Variants in RSKR observed in about 807,000 individuals in gnomAD.
The protein encoded by RSKR is ribosomal protein S6 kinase related.
A neutral mutation model predicts 56.8 loss-of-function variants in RSKR; 44 were observed. That is an observed-to-expected ratio of 0.77 (90% CI 0.61 to 1.00). The LOEUF (loss-of-function observed/expected upper bound fraction) is 1.00. Among genes scored for constraint, RSKR ranks in the 50% least tolerant of loss-of-function variants. The pLI, the probability that RSKR is intolerant of heterozygous loss-of-function variation, is 0.00. For missense variants in RSKR, 510 were observed against 506.9 expected (o/e 1.01, Z -0.06); for synonymous variants, 181 against 188.0 (o/e 0.96, Z 0.30).
In RSKR at chr17:28,614,126, G is replaced by A. The variant is rs778623920; in HGVS notation, c.36C>T (p.Thr12=). The change falls in exon 1 of 12, where the codon ACC becomes ACT. Residue 12 remains threonine (T), a synonymous_variant. Transcript: ENST00000301037. ...CCACCCGGGTGTGTTCCCCCTGCTG[G>A]GTGTGCTGCCCCTGCCGACAGCTTA... ...GAVSCRQGQH[T]QQGEHTRVAV... 12 of 1,613,436 alleles carry A rather than the reference G, an allele frequency of 7.4e-6. No individual in the cohort carries two copies. In the Admixed American group the frequency reaches 2.0e-4, roughly 27 times the overall value.
chr17:28,610,613 TG>T lies in RSKR; in HGVS notation c.1097del (p.Pro366GlnfsTer9). The T allele has an allele frequency of 6.5e-7, 1 of 1,536,000 alleles. No homozygotes were observed. Among genetic ancestry groups the T allele is most frequent in the Non-Finnish European group, 8.7e-7 (1 of 1,146,878 alleles). The part of the protein sequence containing the change: ...HPFFRGVAFD[P>X]ELLQKQPVNF... Reference sequence around the variant, plus strand: ...TCACTGGCTGCTTCTGTAGGAGCTCTGGGTCGAAGGCCACACCCCGAAAGAA... The same window carrying T: ...TCACTGGCTGCTTCTGTAGGAGCTCTGGTCGAAGGCCACACCCCGAAAGAA... On this transcript the variant is annotated frameshift_variant, in exon 12 of 12. Coordinates refer to ENST00000301037, the MANE Select transcript of RSKR (RefSeq NM_001174103.2). LOFTEE classifies it high-confidence loss of function.
rs1402287398 is a variant in RSKR, at chr17:28,613,541, G to C, written c.223C>G (p.Leu75Val). Reference protein sequence around the residue: ...HQESLKPAPVLVEKPLPEWPV... With the variant: ...HQESLKPAPVVVEKPLPEWPV... ...CACTCTGGCAGAGGCTTCTCTACCAGTACTGGGGCTGGCTTTAGGGATTCC... is the reference window on the plus strand; with the variant it reads ...CACTCTGGCAGAGGCTTCTCTACCACTACTGGGGCTGGCTTTAGGGATTCC... The change falls in exon 2 of 12, where the codon CTG becomes GTG. Residue 75 changes from leucine to valine, a missense_variant. Physicochemically the swap from Leu to Val is conservative, Grantham distance 32. Transcript: ENST00000301037. 1.2e-6 allele frequency: 2 copies of C among 1,614,220 alleles called. No individual in the cohort carries two copies. The highest frequency in any genetic ancestry group is 1.1e-5 in the South Asian group (1 of 91,090).
At position 28,611,130 on chromosome 17, in the gene RSKR, T is replaced by G. The variant is rs2070806681; in HGVS notation, c.1011+13A>C. On this transcript the variant is annotated intron_variant, in intron 11 of 11. Coordinates refer to ENST00000301037, the MANE Select transcript of RSKR (RefSeq NM_001174103.2). The stretch of plus-strand genomic sequence containing the variant: ...GTTTCGTAGCCAAGAAGGAAAGCAG[T>G]GCTCATCCTTACCTCATGGAGCAGG... 1 of 1,524,776 alleles carries G rather than the reference T, an allele frequency of 6.6e-7. No homozygotes were observed. Among genetic ancestry groups the G allele is most frequent in the Admixed American group, 2.0e-5 (1 of 50,950 alleles). The allele number at this position is 1,524,776 out of a possible 1,614,324, so 94.5% of individuals were successfully genotyped here.
rs1046342133 is a variant in RSKR, at chr17:28,610,528, C to T, written c.1183G>A (p.Asp395Asn). ...PSSAETMPFD[D>N]FDCDLESFLL... ...AAGGACTCCAGATCACAGTCAAAGT[C>T]GTCAAAGGGCATGGTCTCCGCTGAA... Residue 395 changes from aspartate to asparagine, a missense_variant, in exon 12 of 12, where the codon GAC becomes AAC. Physicochemically the swap from Asp to Asn is conservative, Grantham distance 23. Coordinates refer to ENST00000301037, the MANE Select transcript of RSKR (RefSeq NM_001174103.2). 20 of 1,535,880 alleles carry T rather than the reference C, an allele frequency of 1.3e-5. No individual in the cohort carries two copies. Among genetic ancestry groups the T allele is most frequent in the African/African-American group, 2.7e-5 (2 of 72,986 alleles).
chr17:28,611,039 C>T (rs1270759053), intron 11 of RSKR, 104 bp downstream of exon 11: 1 of 1,025,296 alleles, frequency 9.8e-7, no homozygotes, highest in South Asian at 1.5e-5. Flanking sequence ...AGTTGGAGCC[C>T]CCTCAAAAAA....
chr17:28,612,014 A>G, intron 7 of RSKR, 30 bp downstream of exon 7: 8 of 1,614,146 alleles, frequency 5.0e-6, no homozygotes, highest in Non-Finnish European at 6.8e-6. Flanking sequence ...ACTCTTTCTC[A>G]GACAAAGGGA....
intron 8 of RSKR, 32 bp downstream of exon 8, chr17:28,611,736 C>T (rs372162653): frequency 1.2e-4 from 200 of 1,613,976 alleles, no homozygotes; most frequent in Non-Finnish European, 1.6e-4. Flanking sequence ...AAGTACCTCT[C>T]ATCCTGGGGC....
chr17:28,612,327 G>C lies in RSKR; in HGVS notation c.587C>G (p.Ser196Trp), dbSNP rs76606395. The C allele has an allele frequency of 4.3e-6, 7 of 1,614,158 alleles. No individual in the cohort carries two copies. The East Asian group carries it at 1.6e-4, about 36-fold the overall frequency. ...YCSTDLYSLW[S>W]AVGCFPEASI... is the part of the protein sequence containing the mutation. ...AGCCTCAGGAAAGCAGCCAACAGCC[G>C]ACCAAAGGGAGTACAGATCTGTGCT... The change falls in exon 6 of 12, where the codon TCG becomes TGG. Residue 196 changes from serine to tryptophan, a missense_variant. By Grantham distance (177) the Ser-to-Trp change is radical. Coordinates refer to ENST00000301037, the MANE Select transcript of RSKR (RefSeq NM_001174103.2).
chr17:28,610,577 C>G lies in RSKR; in HGVS notation c.1134G>C (p.Thr378=). 2 of 1,535,918 alleles carry G rather than the reference C, an allele frequency of 1.3e-6. No individual in the cohort carries two copies. Among genetic ancestry groups the G allele is most frequent in the Non-Finnish European group, 1.7e-6 (2 of 1,146,890 alleles). ...LLQKQPVNFV[T]ETQATQPSSA... ...AACTGGGCTGGGTAGCTTGTGTCTCCGTGACAAAGTTCACTGGCTGCTTCT... is the reference window on the plus strand; with the variant it reads ...AACTGGGCTGGGTAGCTTGTGTCTCGGTGACAAAGTTCACTGGCTGCTTCT... The change falls in exon 12 of 12, where the codon ACG becomes ACC. Residue 378 remains threonine (T), a synonymous_variant. Transcript: ENST00000301037.
At chr17:28,612,507 G>A (rs957725945) in intron 5 of RSKR, 111 bp downstream of exon 5, 39 of 1,399,862 alleles carry the variant, frequency 2.8e-5, no homozygotes, top group Non-Finnish European at 3.6e-5. Context: ...GGACAGAGAG[G>A]TGCCATGAGA....
At chr17:28,614,019 C>T in intron 1 of RSKR, 68 bp downstream of exon 1, 1 of 1,577,330 alleles carries the variant, frequency 6.3e-7, no homozygotes, top group Non-Finnish European at 8.7e-7. Context: ...TAACCAGGAA[C>T]TTCCCAGGAC....
chr17:28,614,178 C>G lies in RSKR; in HGVS notation c.-17G>C. Reference sequence around the variant, plus strand: ...TGCTCCCATTCCCAGCCTCTGCCTCCTCTCTCTGCTAAATCTGCTGTCCCA... The same window carrying G: ...TGCTCCCATTCCCAGCCTCTGCCTCGTCTCTCTGCTAAATCTGCTGTCCCA... On this transcript the variant is annotated 5_prime_UTR_variant, in exon 1 of 12. Transcript: ENST00000301037. 1.2e-6 allele frequency: 2 copies of G among 1,612,834 alleles called. No individual in the cohort carries two copies. The highest frequency in any genetic ancestry group is 1.7e-6 in the Non-Finnish European group (2 of 1,179,944).
At position 28,610,581 on chromosome 17, in the gene RSKR, A is replaced by C; in HGVS notation, c.1130T>G (p.Val377Gly). Reference sequence around the variant, plus strand: ...GGGCTGGGTAGCTTGTGTCTCCGTGACAAAGTTCACTGGCTGCTTCTGTAG... The same window carrying C: ...GGGCTGGGTAGCTTGTGTCTCCGTGCCAAAGTTCACTGGCTGCTTCTGTAG... ...ELLQKQPVNF[V>G]TETQATQPSS... is the part of the protein sequence containing the mutation. The change falls in exon 12 of 12, where the codon GTC becomes GGC. Residue 377 changes from valine (V) to glycine (G), a missense_variant. Val to Gly is a moderately radical substitution (Grantham distance 109). Transcript: ENST00000301037. 3 of 1,536,076 alleles carry C rather than the reference A, an allele frequency of 2.0e-6. No homozygotes were observed. Among genetic ancestry groups the C allele is most frequent in the Non-Finnish European group, 2.6e-6 (3 of 1,146,902 alleles).
Position 28,611,616 on chromosome 17 carries a change from C to G in RSKR, c.762G>C (p.Val254=). The G allele has an allele frequency of 6.4e-7, 1 of 1,568,218 alleles. No homozygotes were observed. Among genetic ancestry groups the G allele is most frequent in the Non-Finnish European group, 8.6e-7 (1 of 1,159,430 alleles). ...KLTDFGLSRH[V]PQGAQAYTIC... is the part of the protein sequence containing the mutation. ...TAGTGTAGGCTTGAGCTCCCTGGGG[C>G]ACGTGGCGGGACAGACCAAAGTCTG... Residue 254 remains valine, a synonymous_variant, in exon 9 of 12, where the codon GTG becomes GTC. Transcript: ENST00000301037.
intron 7 of RSKR, 49 bp from the exon 8 acceptor site, chr17:28,611,844 C>G: frequency 1.2e-5 from 19 of 1,613,830 alleles, no homozygotes; most frequent in Non-Finnish European, 1.5e-5. Context: ...TTTCAACTCT[C>G]TTTCATCATG....
chr17:28,611,798 G>A lies in RSKR; in HGVS notation c.694-3C>T. On this transcript the variant is annotated splice_polypyrimidine_tract_variant and splice_region_variant and intron_variant, in intron 7 of 11. Coordinates refer to ENST00000301037, the MANE Select transcript of RSKR (RefSeq NM_001174103.2). Reference sequence around the variant, plus strand: ...TCATCTAGAAGAATATTCTCCATCTGAAAGATCACAGGTGAGAAGTAATTC... The same window carrying A: ...TCATCTAGAAGAATATTCTCCATCTAAAAGATCACAGGTGAGAAGTAATTC... 1 of 1,614,212 alleles carries A rather than the reference G, an allele frequency of 6.2e-7. No individual in the cohort carries two copies.
intron 4 of RSKR, 170 bp downstream of exon 4, chr17:28,612,908 T>C: frequency 1.3e-6 from 1 of 789,324 alleles, no homozygotes; most frequent in Non-Finnish European, 2.1e-6. Context: ...TAGTAGGACA[T>C]GGGAAAACTG....
chr17:28,613,453 T>A lies in RSKR; in HGVS notation c.311A>T (p.Gln104Leu). Residue 104 changes from glutamine to leucine, a missense_variant, in exon 2 of 12, where the codon CAG becomes CTG. Gln to Leu is a moderately radical substitution (Grantham distance 113). Transcript: ENST00000301037. Reference protein sequence around the residue: ...PEFPIRPIRGQQQLKILGLVA... With the variant: ...PEFPIRPIRGLQQLKILGLVA... ...CCACTGACTTACCTTCAGCTGCTGC[T>A]GCCCCCTAATGGGCCTAATGGGAAA... is the stretch of plus-strand genomic sequence containing the variant. 1.2e-6 allele frequency: 2 copies of A among 1,614,248 alleles called. No individual in the cohort carries two copies. The highest frequency in any genetic ancestry group is 1.7e-6 in the Non-Finnish European group (2 of 1,180,048).
intron 11 of RSKR, 29 bp downstream of exon 11, chr17:28,611,114 C>T (rs2070806272): frequency 6.6e-7 from 1 of 1,509,246 alleles, no homozygotes; most frequent in African/African-American, 1.4e-5. Flanking sequence ...GGTTTCGTAG[C>T]CAAGAAGGAA....
Sources: gnomAD v4.1 joint callset for allele counts on GRCh38, gnomAD v4.1.1 for gene constraint, MANE v1.5 for transcripts, NCBI Gene and HGNC (gene_info 2026-07-23, HGNC 2026-07-21) for gene names.